EFCAB3: variants seen among roughly 807,000 people sequenced by gnomAD.
EFCAB3 encodes the protein EF-hand calcium-binding domain-containing protein 3.
In EFCAB3, 36 loss-of-function variants were observed where a neutral mutation model predicts 42.2. That is an observed-to-expected ratio of 0.85 (90% CI 0.65 to 1.13). EFCAB3 has a LOEUF of 1.13. Among genes scored for constraint, EFCAB3 ranks in the 50% most tolerant of loss-of-function variants. The pLI is 0.00. For synonymous variants in EFCAB3, 170 were observed against 172.8 expected (o/e 0.98, Z 0.13); for missense variants, 418 against 505.1 (o/e 0.83, Z 1.65).
intron 5 of EFCAB3, 47 bp from the exon 6 acceptor site, chr17:62,395,021 T>A: frequency 1.2e-6 from 2 of 1,602,326 alleles, no homozygotes; most frequent in Non-Finnish European, 1.7e-6. Flanking sequence ...GTCAATTTCT[T>A]ATTTCAGAAG....
intron 1 of EFCAB3, chr17:62,381,881 GGCT>G: frequency 2.4e-6 from 1 of 419,066 alleles, no homozygotes; most frequent in East Asian, 7.3e-5. Context: ...GTGGGGCTGT[GGCT>G]GTCTCTGCTG....
chr17:62,376,771 T>C (rs2070154032), upstream of EFCAB3, among the ~76,000 whole-genome samples: 2 of 152,230 alleles, frequency 1.3e-5, no homozygotes, highest in African/African-American at 4.8e-5. Context: ...ATTTATGTTA[T>C]TTGATGGTGA....
At chr17:62,380,703 T>C in intron 1 of EFCAB3, 90 bp downstream of exon 1, 1 of 683,644 alleles carries the variant, frequency 1.5e-6, no homozygotes, top group Non-Finnish European at 1.8e-6. Context: ...TTTAAAGAAA[T>C]GATTATTTTG....
At position 62,413,795 on chromosome 17, in the gene EFCAB3, C is replaced by G. The variant is rs2070520649; in HGVS notation, c.931C>G (p.Gln311Glu). The part of the protein sequence containing the change: ...GYSNNIFTID[Q>E]MLKKKQTCTV... ...TTCAAATAACATCTTCACCATTGATCAAATGCTCAAGAAAAAGCAGACTTG... is the reference window on the plus strand; with the variant it reads ...TTCAAATAACATCTTCACCATTGATGAAATGCTCAAGAAAAAGCAGACTTG... The change falls in exon 9 of 10, where the codon CAA becomes GAA. Residue 311 changes from glutamine to glutamate, a missense_variant. Physicochemically the swap from Gln to Glu is conservative, Grantham distance 29. Coordinates refer to ENST00000305286, the MANE Select transcript of EFCAB3 (RefSeq NM_173503.4). The G allele has an allele frequency of 1.2e-6, 2 of 1,613,610 alleles. No homozygotes were observed. The highest frequency in any genetic ancestry group is 1.3e-5 in the African/African-American group (1 of 74,896).
intron 9 of EFCAB3, among the ~76,000 whole-genome samples, chr17:62,415,412 G>A (rs567887800): frequency 1.1e-4 from 16 of 152,302 alleles, no homozygotes; most frequent in African/African-American, 3.8e-4. Context: ...GCTTTTGCTA[G>A]CCTCACAGAG....
upstream of EFCAB3, chr17:62,377,853 TTTC>T: frequency 1.3e-6 from 1 of 794,398 alleles, no homozygotes; most frequent in Middle Eastern, 3.7e-4. Context: ...ACCTTGACAT[TTTC>T]TTAATTTTTT....
At chr17:62,408,413 T>C (rs1177409427) in intron 8 of EFCAB3, among the ~76,000 whole-genome samples, 1 of 152,216 alleles carries the variant, frequency 6.6e-6, no homozygotes, top group African/African-American at 2.4e-5. Flanking sequence ...GCCAAAGTGG[T>C]TCTGTTAAAA....
intron 2 of EFCAB3, among the ~76,000 whole-genome samples, chr17:62,384,971 C>G (rs2070235970): frequency 6.6e-6 from 1 of 152,182 alleles, no homozygotes; most frequent in East Asian, 1.9e-4. Context: ...TGTAACTGTT[C>G]TGAGCACATT....
chr17:62,406,859 T>C (rs1156793755), intron 7 of EFCAB3, among the ~76,000 whole-genome samples, 169 bp from the exon 8 acceptor site: 4 of 119,574 alleles, frequency 3.3e-5, no homozygotes, highest in Non-Finnish European at 6.5e-5. Context: ...AGACACCTGA[T>C]GAAGCCTAGA....
At chr17:62,412,927 A>C (rs1051652096) in intron 8 of EFCAB3, among the ~76,000 whole-genome samples, 1 of 152,194 alleles carries the variant, frequency 6.6e-6, no homozygotes, top group African/African-American at 2.4e-5. Context: ...TATTCAACAA[A>C]TAATGCACTG....
chr17:62,396,080 T>A (rs1008701804), intron 6 of EFCAB3, among the ~76,000 whole-genome samples: 6 of 152,160 alleles, frequency 3.9e-5, no homozygotes, highest in Admixed American at 2.0e-4. Context: ...AACTTCTCAA[T>A]CTCAGTTTCC....
chr17:62,387,385 A>G lies in EFCAB3; in HGVS notation c.120A>G (p.Lys40=). The G allele has an allele frequency of 1.2e-6, 2 of 1,612,156 alleles. No homozygotes were observed. Among genetic ancestry groups the G allele is most frequent in the Non-Finnish European group, 1.7e-6 (2 of 1,178,848 alleles). The change falls in exon 3 of 10, where the codon AAA becomes AAG. Residue 40 remains lysine (K), a synonymous_variant. Transcript: ENST00000305286. ...PGSLQCQLQH[K]EKKLSASQMA... is the part of the protein sequence containing the mutation. ...CTCTTCAATGCCAATTACAACACAA[A>G]GAAAAGAAGCTAAGTGCTTCACAAA...
chr17:62,403,504 A>G (rs930589450), intron 6 of EFCAB3, among the ~76,000 whole-genome samples: 6 of 152,232 alleles, frequency 3.9e-5, no homozygotes, highest in African/African-American at 1.4e-4. Flanking sequence ...GCACAAATCT[A>G]ATCATATCAT....
intron 2 of EFCAB3, among the ~76,000 whole-genome samples, chr17:62,374,180 G>T (rs1215657364): frequency 6.6e-6 from 1 of 152,012 alleles, no homozygotes; most frequent in Non-Finnish European, 1.5e-5. Context: ...ATATAGCTAG[G>T]CCGGGCACGG....
At chr17:62,378,902 G>A (rs935215945), upstream of EFCAB3, among the ~76,000 whole-genome samples, 7 of 151,110 alleles carry the variant, frequency 4.6e-5, no homozygotes, top group Admixed American at 3.9e-4. Context: ...CTGCACATGT[G>A]TCCCAGAACT....
At chr17:62,413,020 G>C (rs1487574588) in intron 8 of EFCAB3, among the ~76,000 whole-genome samples, 1 of 151,870 alleles carries the variant, frequency 6.6e-6, no homozygotes, top group Non-Finnish European at 1.5e-5. Flanking sequence ...ATAAATGGAG[G>C]GTCAGAGAGA....
intron 1 of EFCAB3, 83 bp downstream of exon 1, chr17:62,380,696 A>G: frequency 1.4e-6 from 1 of 724,050 alleles, no homozygotes; most frequent in African/African-American, 1.9e-5. Context: ...GTATTTTTTT[A>G]AAGAAATGAT....
Position 62,387,309 on chromosome 17 carries a change from T to C in EFCAB3, c.75-31T>C, listed in dbSNP as rs76131165. The C allele has an allele frequency of 8.4e-3, 13,163 of 1,560,880 alleles. 762 individuals are homozygous for C. The African/African-American group carries it at 0.14, about 17-fold the overall frequency. ...ATATCTGCTGGTTTCACATAGGTAGTAAATCTAAATATTTTCACATCTTTC... is the reference window on the plus strand; with the variant it reads ...ATATCTGCTGGTTTCACATAGGTAGCAAATCTAAATATTTTCACATCTTTC... On this transcript the variant is annotated intron_variant, in intron 2 of 9. Coordinates refer to ENST00000305286, the MANE Select transcript of EFCAB3 (RefSeq NM_173503.4).
intron 2 of EFCAB3, among the ~76,000 whole-genome samples, 155 bp from the exon 3 acceptor site, chr17:62,387,185 C>T (rs1235799091): frequency 6.6e-6 from 1 of 152,140 alleles, no homozygotes; most frequent in African/African-American, 2.4e-5. Context: ...CATCCTGTAG[C>T]TATGGGCTAT....
Sources: gnomAD v4.1 joint callset for allele counts (sites outside exome capture counted in the v4.1 genomes callset) on GRCh38, gnomAD v4.1.1 for gene constraint, MANE v1.5 for transcripts, NCBI Gene and HGNC (gene_info 2026-07-23, HGNC 2026-07-21) for gene names.